N4BP2L2: variants seen among roughly 807,000 people sequenced by gnomAD.
N4BP2L2 encodes the protein NEDD4-binding protein 2-like 2.
In N4BP2L2, 50 loss-of-function variants were observed where a neutral mutation model predicts 56.2. That is an observed-to-expected ratio of 0.89 (90% CI 0.71 to 1.13). The LOEUF (loss-of-function observed/expected upper bound fraction) is 1.13, where lower values mean the gene tolerates loss of function less well. Among genes scored for constraint, N4BP2L2 ranks in the 50% most tolerant of loss-of-function variants. The pLI, the probability that N4BP2L2 is intolerant of heterozygous loss-of-function variation, is 0.00. For synonymous variants in N4BP2L2, 203 were observed against 223.6 expected, an observed-to-expected ratio of 0.91 and a Z score of 0.82; for missense variants, 689 against 693.8, an observed-to-expected ratio of 0.99 and a Z score of 0.08.
intron 2 of N4BP2L2, among the ~76,000 whole-genome samples, 184 bp from the exon 3 acceptor site, chr13:32,527,716 A>G (rs1253652213): frequency 1.3e-5 from 2 of 152,168 alleles, no homozygotes; most frequent in Non-Finnish European, 2.9e-5. Flanking sequence ...AATCTTACAA[A>G]GATTTCAGAT....
chr13:32,492,945 G>GTC (rs546857942), intron 6 of N4BP2L2, among the ~76,000 whole-genome samples: 415 of 118,178 alleles, frequency 3.5e-3, no homozygotes, highest in African/African-American at 0.014. Context: ...TTGAGACAGA[G>GTC]TCTCACTCAC....
intron 8 of N4BP2L2, chr13:32,438,644 A>G (rs2075804581): frequency 1.9e-6 from 3 of 1,583,782 alleles, no homozygotes; most frequent in Non-Finnish European, 2.6e-6. Context: ...ACACACACAC[A>G]TATATACCTC....
chr13:32,479,531 T>A (rs2084117561), intron 6 of N4BP2L2, among the ~76,000 whole-genome samples: 1 of 151,848 alleles, frequency 6.6e-6, no homozygotes, highest in African/African-American at 2.4e-5. Context: ...TCCGCCTGCC[T>A]TGACCTCCCA....
chr13:32,520,809 A>C (rs942641018), intron 5 of N4BP2L2, among the ~76,000 whole-genome samples: 1 of 152,228 alleles, frequency 6.6e-6, no homozygotes, highest in African/African-American at 2.4e-5. Flanking sequence ...AATCTGGTTA[A>C]GCTGCGAAAA....
chr13:32,433,432 A>G (rs1341025434), intron 9 of N4BP2L2, among the ~76,000 whole-genome samples: 1 of 151,876 alleles, frequency 6.6e-6, no homozygotes, highest in Non-Finnish European at 1.5e-5. Flanking sequence ...GGAGTTCAAG[A>G]CCAGCCTGGC....
intron 6 of N4BP2L2, among the ~76,000 whole-genome samples, chr13:32,454,416 TG>T (rs1306408492): frequency 2.0e-5 from 3 of 151,740 alleles, no homozygotes; most frequent in Non-Finnish European, 2.9e-5. Flanking sequence ...AAACAAACCT[TG>T]GGGGGGAGGG....
intron 8 of N4BP2L2, among the ~76,000 whole-genome samples, chr13:32,437,102 C>T (rs2075616516): frequency 6.6e-6 from 1 of 151,942 alleles, no homozygotes; most frequent in East Asian, 1.9e-4. Flanking sequence ...AGGCTGGTCT[C>T]GAACTCCTGA....
chr13:32,485,481 C>A (rs993343457), intron 6 of N4BP2L2, among the ~76,000 whole-genome samples: 1 of 152,138 alleles, frequency 6.6e-6, no homozygotes, highest in East Asian at 1.9e-4. Context: ...CCAAAAACAT[C>A]ACACAAAAAC....
intron 2 of N4BP2L2, among the ~76,000 whole-genome samples, chr13:32,535,110 C>G (rs2056195826): frequency 6.6e-6 from 1 of 152,208 alleles, no homozygotes; most frequent in Non-Finnish European, 1.5e-5. Context: ...AAATTCCTTT[C>G]CTTGGGTCAT....
chr13:32,469,318 G>A (rs1232169512), intron 6 of N4BP2L2, among the ~76,000 whole-genome samples: 1 of 152,218 alleles, frequency 6.6e-6, no homozygotes, highest in Non-Finnish European at 1.5e-5. Flanking sequence ...GACATGGGTG[G>A]CAGTGGACAG....
At chr13:32,486,986 G>A (rs1459531111) in intron 6 of N4BP2L2, among the ~76,000 whole-genome samples, 3 of 152,036 alleles carry the variant, frequency 2.0e-5, no homozygotes, top group Admixed American at 6.6e-5. Context: ...GCTACAGAGC[G>A]AGACTCCATC....
chr13:32,489,629 G>T (rs1022485472), intron 6 of N4BP2L2, among the ~76,000 whole-genome samples: 8 of 152,058 alleles, frequency 5.3e-5, no homozygotes, highest in Non-Finnish European at 1.0e-4. Flanking sequence ...AGATCACACT[G>T]CTGTACGCAT....
rs751869607 is a variant in N4BP2L2 at position 32,466,484 on chromosome 13, T to G, written c.366-22358A>C. ...CCAGAGGCTGAGGCACAAGAATCCC[T>G]TGAACCCAGGAGGTGTAGGTTGCAG... On this transcript the variant is annotated intron_variant, in intron 6 of 9. Transcript: ENST00000357505. 8.5e-5 allele frequency among the ~76,000 whole-genome samples: 13 copies of G among 152,130 alleles called. No individual in the cohort carries two copies. The South Asian group carries it at 1.0e-3, about 12-fold the overall frequency.
chr13:32,488,423 GGATGCATAGTGAA>G (rs2086358397), intron 6 of N4BP2L2, among the ~76,000 whole-genome samples: 1 of 152,040 alleles, frequency 6.6e-6, no homozygotes, highest in Admixed American at 6.5e-5. Flanking sequence ...AGAGGGATGA[GGATGCATAGTGAA>G]TACAATGCTT....
chr13:32,502,015 C>T (rs1335511898), intron 6 of N4BP2L2, among the ~76,000 whole-genome samples: 1 of 149,926 alleles, frequency 6.7e-6, no homozygotes, highest in Non-Finnish European at 1.5e-5. Flanking sequence ...TTGATAAATT[C>T]GATAATGAAA....
intron 5 of N4BP2L2, among the ~76,000 whole-genome samples, chr13:32,520,245 C>G (rs755555603): frequency 5.3e-5 from 8 of 151,752 alleles, no homozygotes; most frequent in Non-Finnish European, 1.2e-4. Context: ...CAGAAAAACA[C>G]TGAATTGTAT....
intron 6 of N4BP2L2, among the ~76,000 whole-genome samples, chr13:32,465,932 G>A (rs1212343898): frequency 2.6e-5 from 4 of 152,182 alleles, no homozygotes; most frequent in Admixed American, 2.0e-4. Flanking sequence ...GATTATAGGC[G>A]TGAGCCACCA....
At chr13:32,479,057 C>T (rs1418478939) in intron 6 of N4BP2L2, among the ~76,000 whole-genome samples, 3 of 151,770 alleles carry the variant, frequency 2.0e-5, no homozygotes, top group African/African-American at 7.3e-5. Flanking sequence ...ATCACTTGAA[C>T]TCAGGAGGCA....
chr13:32,505,051 C>A (rs1376671428), intron 6 of N4BP2L2: 1 of 152,306 alleles, frequency 6.6e-6, no homozygotes, highest in African/African-American at 2.4e-5. Context: ...TGGTAGCCCA[C>A]CTCCCTCAGC....
Sources: gnomAD v4.1 joint callset for allele counts (sites outside exome capture counted in the v4.1 genomes callset) on GRCh38, gnomAD v4.1.1 for gene constraint, MANE v1.5 for transcripts, NCBI Gene and HGNC (gene_info 2026-07-23, HGNC 2026-07-21) for gene names.